Variants in RFTN2 observed in about 807,000 individuals in gnomAD.
The protein encoded by RFTN2 is raftlin-2.
A neutral mutation model predicts 52.7 loss-of-function variants in RFTN2; 34 were observed. The ratio of observed to expected loss-of-function variants is 0.64; its 90% confidence interval spans 0.49 to 0.86. The LOEUF (loss-of-function observed/expected upper bound fraction) is 0.86, where lower values mean the gene tolerates loss of function less well. Among genes scored for constraint, RFTN2 ranks in the 40% least tolerant of loss-of-function variants. The pLI is 0.00. For synonymous variants in RFTN2, 203 were observed against 217.7 expected, an observed-to-expected ratio of 0.93 and a Z score of 0.59; for missense variants, 536 against 600.1, an observed-to-expected ratio of 0.89 and a Z score of 1.12.
intron 5 of RFTN2, 38 bp from the exon 6 acceptor site, chr2:197,617,959 T>A: frequency 6.6e-7 from 1 of 1,506,066 alleles, no homozygotes; most frequent in Non-Finnish European, 8.9e-7. Context: ...GGGTTGTAAA[T>A]ACTAAGTGGC....
chr2:197,590,437 C>G (rs1350382143), intron 8 of RFTN2, among the ~76,000 whole-genome samples: 1 of 152,142 alleles, frequency 6.6e-6, no homozygotes, highest in Non-Finnish European at 1.5e-5. Flanking sequence ...AAGTAAAGGT[C>G]TCCATAACTT....
At chr2:197,671,075 A>T (rs1299659521) in intron 1 of RFTN2, among the ~76,000 whole-genome samples, 1 of 152,172 alleles carries the variant, frequency 6.6e-6, no homozygotes, top group African/African-American at 2.4e-5. Context: ...ATTCCACATG[A>T]ATCTTCTTAA....
intron 7 of RFTN2, among the ~76,000 whole-genome samples, chr2:197,604,839 C>A (rs1268929835): frequency 1.3e-5 from 2 of 152,196 alleles, no homozygotes; most frequent in African/African-American, 2.4e-5. Flanking sequence ...TGGCTTACTG[C>A]AACCTCTGCC....
At chr2:197,603,986 G>A (rs1357039574) in intron 7 of RFTN2, among the ~76,000 whole-genome samples, 3 of 151,900 alleles carry the variant, frequency 2.0e-5, no homozygotes, top group African/African-American at 4.8e-5. Flanking sequence ...AAAAAGACAG[G>A]TACTTTATGA....
intron 8 of RFTN2, among the ~76,000 whole-genome samples, chr2:197,582,145 CCTAATA>C (rs1483601106): frequency 6.6e-6 from 1 of 152,164 alleles, no homozygotes; most frequent in Non-Finnish European, 1.5e-5. Flanking sequence ...TTGCTGTTGC[CCTAATA>C]CTTTTAGAGG....
intron 1 of RFTN2, among the ~76,000 whole-genome samples, chr2:197,649,146 G>T (rs1410239016): frequency 4.6e-5 from 7 of 152,172 alleles, no homozygotes; most frequent in African/African-American, 1.7e-4. Flanking sequence ...AGGAACAATT[G>T]TTCACACTAT....
chr2:197,584,476 ATTTG>A (rs2087564970), intron 8 of RFTN2, among the ~76,000 whole-genome samples: 4 of 151,926 alleles, frequency 2.6e-5, no homozygotes, highest in Admixed American at 2.0e-4. Flanking sequence ...TTTCTTGTAA[ATTTG>A]TTTGAGTTCA....
At chr2:197,575,778 C>A (rs1167050965) in intron 8 of RFTN2, among the ~76,000 whole-genome samples, 15 of 98,664 alleles carry the variant, frequency 1.5e-4, no homozygotes, top group Middle Eastern at 6.5e-3. Flanking sequence ...AATATATATT[C>A]TATATATAAT....
In RFTN2 at chr2:197,651,727, G is replaced by A. The variant is rs1031308135; in HGVS notation, c.140-5061C>T. ...GGAGTTTTATAGGTTTATTTCTTAT[G>A]TTTAAGTCAACAATTTTTAAAAAGT... is the stretch of plus-strand genomic sequence containing the variant. On this transcript the variant is annotated intron_variant, in intron 1 of 8. Coordinates refer to ENST00000295049, the MANE Select transcript of RFTN2 (RefSeq NM_144629.3). 2.2e-4 allele frequency among the ~76,000 whole-genome samples: 33 copies of A among 152,086 alleles called. 1 individual carries two copies. Among genetic ancestry groups the A allele is most frequent in the African/African-American group, 7.5e-4 (31 of 41,402 alleles).
At chr2:197,614,847 T>G (rs952027890) in intron 7 of RFTN2, among the ~76,000 whole-genome samples, 2 of 152,124 alleles carry the variant, frequency 1.3e-5, no homozygotes, top group Non-Finnish European at 2.9e-5. Context: ...TGTCACAGAG[T>G]ACAAAAGGCT....
chr2:197,618,790 TGAG>T (rs1227762653), intron 5 of RFTN2, among the ~76,000 whole-genome samples: 1 of 145,874 alleles, frequency 6.9e-6, no homozygotes, highest in South Asian at 2.2e-4. Context: ...GTCTGAGAAG[TGAG>T]GAGACCTTCT....
At chr2:197,671,463 G>T (rs2089146285) in intron 1 of RFTN2, among the ~76,000 whole-genome samples, 1 of 152,192 alleles carries the variant, frequency 6.6e-6, no homozygotes, top group Non-Finnish European at 1.5e-5. Context: ...ATTCAACAAA[G>T]AATATTGACC....
intron 5 of RFTN2, among the ~76,000 whole-genome samples, chr2:197,621,955 T>C (rs1052292808): frequency 6.6e-6 from 1 of 152,152 alleles, no homozygotes; most frequent in Non-Finnish European, 1.5e-5. Context: ...TAAAAGTGAA[T>C]GAATGATAAG....
intron 5 of RFTN2, among the ~76,000 whole-genome samples, chr2:197,622,126 A>G (rs1226118058): frequency 6.6e-6 from 1 of 152,170 alleles, no homozygotes; most frequent in Non-Finnish European, 1.5e-5. Context: ...GCTGTGGAAG[A>G]AAAGTTGGAA....
intron 8 of RFTN2, among the ~76,000 whole-genome samples, chr2:197,575,404 T>G (rs1185218771): frequency 6.6e-6 from 1 of 152,150 alleles, no homozygotes; most frequent in Non-Finnish European, 1.5e-5. Flanking sequence ...TCTTCAAGGG[T>G]GAAGTGGACC....
At chr2:197,577,635 G>A (rs2087440426) in intron 8 of RFTN2, among the ~76,000 whole-genome samples, 1 of 152,190 alleles carries the variant, frequency 6.6e-6, no homozygotes, top group Non-Finnish European at 1.5e-5. Flanking sequence ...CCTTTCTCAA[G>A]CCTGGCCAGT....
intron 8 of RFTN2, among the ~76,000 whole-genome samples, chr2:197,575,831 A>ATATACATAATATATATTCTAT (rs1559335210): frequency 3.3e-5 from 2 of 60,504 alleles, no homozygotes; most frequent in Non-Finnish European, 7.4e-5. Context: ...TTCTATATAT[A>ATATACATAATATATATTCTAT]ATATATTATA....
At chr2:197,646,907 A>AC (rs1553604389) in intron 1 of RFTN2, among the ~76,000 whole-genome samples, 8 of 144,600 alleles carry the variant, frequency 5.5e-5, no homozygotes, top group Admixed American at 1.4e-4. Context: ...CAAAAAAAAA[A>AC]AAAAAAAAAA....
chr2:197,605,934 T>G (rs2106198863), intron 7 of RFTN2, among the ~76,000 whole-genome samples: 1 of 152,306 alleles, frequency 6.6e-6, no homozygotes, highest in Admixed American at 6.5e-5. Context: ...CCCTCCTCCT[T>G]TATTGATTCC....
Sources: allele counts gnomAD v4.1 joint callset (sites outside exome capture counted in the v4.1 genomes callset), GRCh38; gene constraint gnomAD v4.1.1; transcripts MANE v1.5; gene names NCBI Gene and HGNC (gene_info 2026-07-23, HGNC 2026-07-21).